HMGXB3: variants seen among roughly 807,000 people sequenced by gnomAD.
The protein encoded by HMGXB3 is HMG-box containing 3.
In HMGXB3, 45 loss-of-function variants were observed where a neutral mutation model predicts 121.5. That is an observed-to-expected ratio of 0.37 (90% CI 0.29 to 0.47). The LOEUF is 0.47. Ranked by LOEUF, HMGXB3 falls within the 20% of genes least tolerant of loss-of-function variation. The pLI, the probability that HMGXB3 is intolerant of heterozygous loss-of-function variation, is 0.99. For missense variants in HMGXB3, 1,376 were observed against 1,602.2 expected (o/e 0.86, Z 2.41); for synonymous variants, 590 against 624.1 (o/e 0.95, Z 0.81).
chr5:150,050,242 C>A lies in HMGXB3; in HGVS notation c.3202-10C>A, dbSNP rs754997588. ...AATTAACCCTGCGCCCCCCACCCTT[C>A]ATCTCCCAGGTGGTCTGCGGCTCCA... is the stretch of plus-strand genomic sequence containing the variant. On this transcript the variant is annotated splice_polypyrimidine_tract_variant and intron_variant, in intron 18 of 19. Coordinates refer to ENST00000502717, the MANE Select transcript of HMGXB3 (RefSeq NM_014983.3). 6 of 1,550,954 alleles carry A rather than the reference C, an allele frequency of 3.9e-6. No individual in the cohort carries two copies.
Position 150,026,897 on chromosome 5 carries a change from T to C in HMGXB3, c.1636+16T>C. 1 of 1,510,912 alleles carries C rather than the reference T, an allele frequency of 6.6e-7. No individual in the cohort carries two copies. The highest frequency in any genetic ancestry group is 8.9e-7 in the Non-Finnish European group (1 of 1,125,486). 93.6% of individuals were successfully genotyped at this position (1,510,912 alleles called of 1,614,324 possible). A position where few individuals can be genotyped will look rare whatever the true frequency, so the allele number is the denominator to read the frequency against. On this transcript the variant is annotated intron_variant, in intron 8 of 19. Transcript: ENST00000502717. ...TCCCTGAGTGGTAAGGGCTGGGACA[T>C]ACCTGGGATGGAGGGGCTGTCTGAC... is the stretch of plus-strand genomic sequence containing the variant.
rs1368912780 is a variant in HMGXB3, at chr5:150,005,497, G to A, written c.137+508G>A. Among the ~76,000 whole-genome samples the A allele has an allele frequency of 2.6e-5, 4 of 151,580 alleles. No homozygotes were observed. In the East Asian group the frequency reaches 5.8e-4, roughly 22 times the overall value. On this transcript the variant is annotated intron_variant, in intron 2 of 19. Transcript: ENST00000502717. ...ACCTGTAATCCCAGCTGCTTGGGAG[G>A]CTGAGGCAAGAGAATCACTTGAATC...
intron 6 of HMGXB3, among the ~76,000 whole-genome samples, chr5:150,019,901 A>G (rs1320915428): frequency 6.6e-6 from 1 of 152,222 alleles, no homozygotes; most frequent in African/African-American, 2.4e-5. Flanking sequence ...GCTTCTGGCT[A>G]AGTTCAGGGT....
intron 3 of HMGXB3, among the ~76,000 whole-genome samples, chr5:150,008,055 TCACACACACACACACACACACACACA>T (rs70973560): frequency 3.1e-5 from 4 of 130,026 alleles, no homozygotes; most frequent in Non-Finnish European, 6.6e-5. Flanking sequence ...AGACTCTGTT[TCACACACACACACACACACACACACA>T]CACACACACA....
chr5:150,030,664 C>A, intron 9 of HMGXB3, 77 bp from the exon 10 acceptor site: 1 of 1,073,116 alleles, frequency 9.3e-7, no homozygotes, highest in South Asian at 1.4e-5. Flanking sequence ...AGCATTCCCT[C>A]AAGTCGTTTC....
At chr5:150,027,284 TAAGTG>T (rs1756254995) in intron 9 of HMGXB3, among the ~76,000 whole-genome samples, 167 bp downstream of exon 9, 2 of 152,268 alleles carry the variant, frequency 1.3e-5, no homozygotes, top group Non-Finnish European at 2.9e-5. Flanking sequence ...TCTTAAAACT[TAAGTG>T]AATACATGTT....
At chr5:150,023,867 G>A (rs905338992) in intron 6 of HMGXB3, among the ~76,000 whole-genome samples, 1 of 152,216 alleles carries the variant, frequency 6.6e-6, no homozygotes, top group Non-Finnish European at 1.5e-5. Context: ...GACCACCAAG[G>A]TGAACAACTT....
At chr5:150,038,476 T>C (rs1756548988) in intron 13 of HMGXB3, among the ~76,000 whole-genome samples, 1 of 152,218 alleles carries the variant, frequency 6.6e-6, no homozygotes, top group South Asian at 2.1e-4. Context: ...TTACATGTAG[T>C]TAAGTGTGTT....
chr5:150,016,368 G>T (rs1755961062), intron 5 of HMGXB3, among the ~76,000 whole-genome samples: 1 of 148,780 alleles, frequency 6.7e-6, no homozygotes, highest in African/African-American at 2.5e-5. Context: ...AAAAGGAGGT[G>T]ACATTTAACT....
In HMGXB3 at chr5:150,026,689, C is replaced by T. The variant is rs754994475; in HGVS notation, c.1461-17C>T. The T allele has an allele frequency of 1.3e-6, 2 of 1,541,544 alleles. No homozygotes were observed. Among genetic ancestry groups the T allele is most frequent in the African/African-American group, 2.8e-5 (2 of 72,068 alleles). ...TTTGTTCCAGAATTTCCAGATTTCT[C>T]TTCTTATTCTTTTCAGAGCTGACCT... On this transcript the variant is annotated splice_polypyrimidine_tract_variant and intron_variant, in intron 7 of 19. Coordinates refer to ENST00000502717, the MANE Select transcript of HMGXB3 (RefSeq NM_014983.3).
chr5:150,029,436 G>C (rs1756321663), intron 9 of HMGXB3, among the ~76,000 whole-genome samples: 2 of 150,538 alleles, frequency 1.3e-5, no homozygotes, highest in South Asian at 2.1e-4. Flanking sequence ...TGTCATACTT[G>C]TGAGCTATAA....
chr5:150,050,278 G>T lies in HMGXB3; in HGVS notation c.3228G>T (p.Val1076=). The T allele has an allele frequency of 6.4e-7, 1 of 1,551,900 alleles. No individual in the cohort carries two copies. Among genetic ancestry groups the T allele is most frequent in the Non-Finnish European group, 8.7e-7 (1 of 1,147,006 alleles). The change falls in exon 19 of 20, where the codon GTG becomes GTT. Residue 1076 remains valine, a synonymous_variant. Coordinates refer to ENST00000502717, the MANE Select transcript of HMGXB3 (RefSeq NM_014983.3). ...TGGTCTGCGGCTCCAAGTATCTTGTGCGAGGTGAGAGTGCCCGTGACCATG... is the reference window on the plus strand; with the variant it reads ...TGGTCTGCGGCTCCAAGTATCTTGTTCGAGGTGAGAGTGCCCGTGACCATG... ...HQVVCGSKYL[V]RGESARDHVD...
chr5:150,008,406 T>C (rs1755757816), intron 3 of HMGXB3, among the ~76,000 whole-genome samples: 1 of 152,252 alleles, frequency 6.6e-6, no homozygotes, highest in African/African-American at 2.4e-5. Context: ...GTAAATCACC[T>C]AGCTGAATTC....
chr5:150,047,511 G>C, intron 16 of HMGXB3, 113 bp from the exon 17 acceptor site: 1 of 1,273,296 alleles, frequency 7.9e-7, no homozygotes, highest in Admixed American at 2.3e-5. Context: ...TGCCAGCACT[G>C]GGGGAGGGCT....
rs1755799431 is a variant in HMGXB3 at position 150,010,350 on chromosome 5, TG to T, written c.553del (p.Val185TrpfsTer32). 6.4e-7 allele frequency: 1 copy of T among 1,551,564 alleles called. No homozygotes were observed. The highest frequency in any genetic ancestry group is 1.4e-5 in the African/African-American group (1 of 73,024). On this transcript the variant is annotated frameshift_variant, in exon 4 of 20. Coordinates refer to ENST00000502717, the MANE Select transcript of HMGXB3 (RefSeq NM_014983.3). LOFTEE classifies it high-confidence loss of function. The part of the protein sequence containing the change: ...HAGMAEQCLA[V>X]EALAEEVGAL... The stretch of plus-strand genomic sequence containing the variant: ...CAGGCATGGCAGAGCAGTGCCTGGC[TG>T]TGGAGGCCCTGGCTGAGGAGGTGGG...
intron 18 of HMGXB3, among the ~76,000 whole-genome samples, chr5:150,049,425 A>G (rs1756841142): frequency 6.6e-6 from 1 of 151,230 alleles, no homozygotes; most frequent in African/African-American, 2.4e-5. Flanking sequence ...CCCCCTTAAC[A>G]GGTACTGAAT....
chr5:150,012,184 A>G (rs1755855552), intron 4 of HMGXB3, 71 bp from the exon 5 acceptor site: 1 of 1,006,692 alleles, frequency 9.9e-7, no homozygotes, highest in African/African-American at 1.6e-5. Flanking sequence ...CCAGGCTTCC[A>G]GTGTTGAGTG....
chr5:150,012,547 T>A (rs1312051765), intron 5 of HMGXB3, among the ~76,000 whole-genome samples, 194 bp downstream of exon 5: 1 of 152,062 alleles, frequency 6.6e-6, no homozygotes, highest in African/African-American at 2.4e-5. Flanking sequence ...TTAATGGGGG[T>A]GAGGGGGTTG....
At chr5:150,004,531 T>A (rs1287860437) in intron 1 of HMGXB3, among the ~76,000 whole-genome samples, 1 of 152,180 alleles carries the variant, frequency 6.6e-6, no homozygotes, top group African/African-American at 2.4e-5. Flanking sequence ...GGTGGGTGGG[T>A]ACTGTATCCC....
Sources: allele counts gnomAD v4.1 joint callset (sites outside exome capture counted in the v4.1 genomes callset), GRCh38; gene constraint gnomAD v4.1.1; transcripts MANE v1.5; gene names NCBI Gene and HGNC (gene_info 2026-07-23, HGNC 2026-07-21).